ZC3H18: variants seen among roughly 807,000 people sequenced by gnomAD.
ZC3H18 encodes zinc finger CCCH-type containing 18, also known as zinc finger CCCH domain-containing protein 18.
In ZC3H18, 8 loss-of-function variants were observed where a neutral mutation model predicts 106.1. That is an observed-to-expected ratio of 0.08 (90% CI 0.04 to 0.14). The LOEUF is 0.14. Among genes scored for constraint, ZC3H18 ranks in the 10% least tolerant of loss-of-function variants. The pLI is 1.00. For missense variants in ZC3H18, 1,318 were observed against 1,278.4 expected (o/e 1.03, Z -0.47); for synonymous variants, 635 against 522.1 (o/e 1.22, Z -2.95).
intron 6 of ZC3H18, among the ~76,000 whole-genome samples, chr16:88,600,831 G>A (rs1032863556): frequency 6.6e-6 from 1 of 152,244 alleles, no homozygotes; most frequent in Non-Finnish European, 1.5e-5. Context: ...TCTGCCTGTG[G>A]ATGGCACGGT....
chr16:88,582,588 C>T (rs1384518226), intron 2 of ZC3H18, among the ~76,000 whole-genome samples: 8 of 152,132 alleles, frequency 5.3e-5, no homozygotes, highest in Admixed American at 5.2e-4. Context: ...GCCAAGTGCG[C>T]CCATTCTATT....
chr16:88,587,388 G>C (rs898358253), intron 3 of ZC3H18, among the ~76,000 whole-genome samples: 3 of 152,134 alleles, frequency 2.0e-5, no homozygotes, highest in Non-Finnish European at 4.4e-5. Flanking sequence ...CAGTAGTTTT[G>C]GCATATTTCT....
chr16:88,574,858 C>T (rs1366412029), intron 1 of ZC3H18, among the ~76,000 whole-genome samples: 9 of 141,348 alleles, frequency 6.4e-5, no homozygotes, highest in Non-Finnish European at 1.4e-4. Flanking sequence ...GAGACGGAGT[C>T]TCGCTCTGTC....
At chr16:88,624,958 G>GTGGC (rs1032338090) in intron 12 of ZC3H18, among the ~76,000 whole-genome samples, 11 of 152,210 alleles carry the variant, frequency 7.2e-5, no homozygotes, top group African/African-American at 2.7e-4. Flanking sequence ...AAGGGACAGC[G>GTGGC]TGGCACGGAG....
At chr16:88,578,617 C>T (rs1226197236) in intron 2 of ZC3H18, among the ~76,000 whole-genome samples, 1 of 151,940 alleles carries the variant, frequency 6.6e-6, no homozygotes, top group East Asian at 1.9e-4. Flanking sequence ...GAGAGTATCT[C>T]TCTGATGTCA....
Position 88,631,273 on chromosome 16 carries a change from C to A in ZC3H18, c.2836C>A (p.Arg946=). 6.3e-7 allele frequency: 1 copy of A among 1,598,076 alleles called. No homozygotes were observed. The highest frequency in any genetic ancestry group is 8.5e-7 in the Non-Finnish European group (1 of 1,172,772). Residue 946 remains arginine, a synonymous_variant, in exon 18 of 18, where the codon CGG becomes AGG. Transcript: ENST00000301011. ...CGTGGAGGATGCTATTGCACGCAAGCGGGCCAAGATCCCCGGGAAAGCATA... is the reference window on the plus strand; with the variant it reads ...CGTGGAGGATGCTATTGCACGCAAGAGGGCCAAGATCCCCGGGAAAGCATA... ...KAVEDAIARK[R]AKIPGKA
At chr16:88,597,426 C>G (rs964822124) in intron 3 of ZC3H18, among the ~76,000 whole-genome samples, 1 of 152,006 alleles carries the variant, frequency 6.6e-6, no homozygotes. Context: ...ATTTTTAAAC[C>G]GCTTAGATAC....
intron 3 of ZC3H18, chr16:88,587,722 A>C (rs1915518434): frequency 1.7e-6 from 2 of 1,145,206 alleles, no homozygotes; most frequent in Non-Finnish European, 2.5e-6. Flanking sequence ...CCAGAAGGAA[A>C]GGGGGTCTTT....
At position 88,627,820 on chromosome 16, in the gene ZC3H18, C is replaced by CG. The variant is rs1043179336; in HGVS notation, c.2269+43dup. 6.2e-7 allele frequency: 1 copy of CG among 1,609,748 alleles called. No homozygotes were observed. The highest frequency in any genetic ancestry group is 8.5e-7 in the Non-Finnish European group (1 of 1,177,120). On this transcript the variant is annotated intron_variant, in intron 14 of 17. Transcript: ENST00000301011. The surrounding 1 kb of genome is among the most constrained non-coding windows in gnomAD (Gnocchi z 4.5). ...CCTGGTACCTTTGGGGAGCAGCTCC[C>CG]GGGGGAGGAGGGCGGCATCAGCACA...
intron 6 of ZC3H18, among the ~76,000 whole-genome samples, chr16:88,600,757 G>A (rs760039170): frequency 6.6e-5 from 10 of 152,232 alleles, no homozygotes; most frequent in Non-Finnish European, 1.0e-4. Context: ...CAGAAGAAGT[G>A]CCTGGGTCGA....
At chr16:88,626,042 C>CA (rs1357966451) in intron 13 of ZC3H18, 20 of 152,046 alleles carry the variant, frequency 1.3e-4, no homozygotes, top group Admixed American at 1.3e-3. Context: ...AGGTTGGTCT[C>CA]AAACTCCTGA....
intron 8 of ZC3H18, among the ~76,000 whole-genome samples, chr16:88,614,450 C>G (rs1465560926): frequency 6.6e-6 from 1 of 152,248 alleles, no homozygotes; most frequent in African/African-American, 2.4e-5. Context: ...AGCTCTCAGG[C>G]AGGACTTCGC....
chr16:88,613,170 G>A (rs545254288), intron 8 of ZC3H18, among the ~76,000 whole-genome samples: 7 of 152,196 alleles, frequency 4.6e-5, no homozygotes, highest in African/African-American at 1.2e-4. Context: ...CTTCTACTCC[G>A]AGCGTTTTTA....
intron 2 of ZC3H18, among the ~76,000 whole-genome samples, chr16:88,584,347 G>A (rs897131994): frequency 6.6e-6 from 1 of 151,866 alleles, no homozygotes; most frequent in Non-Finnish European, 1.5e-5. Context: ...GCTTGAACCC[G>A]GGAGGCAGAG....
intron 8 of ZC3H18, among the ~76,000 whole-genome samples, chr16:88,619,309 A>T (rs1401964642): frequency 6.6e-6 from 1 of 152,208 alleles, no homozygotes; most frequent in East Asian, 1.9e-4. Flanking sequence ...GGTTATCTGC[A>T]TCCTGGTTAA....
At chr16:88,623,593 C>T in intron 10 of ZC3H18, 1 of 594,014 alleles carries the variant, frequency 1.7e-6, no homozygotes, top group South Asian at 2.1e-5. Flanking sequence ...TTGAGGCACT[C>T]CAGTCCTCCG....
intron 8 of ZC3H18, among the ~76,000 whole-genome samples, chr16:88,620,058 C>G (rs983258415): frequency 6.6e-6 from 1 of 152,162 alleles, no homozygotes; most frequent in African/African-American, 2.4e-5. Flanking sequence ...GTGTCCGTGT[C>G]CTTAGGACAG....
At chr16:88,621,556 C>G (rs1210486716) in intron 8 of ZC3H18, among the ~76,000 whole-genome samples, 3 of 152,000 alleles carry the variant, frequency 2.0e-5, no homozygotes, top group South Asian at 2.1e-4. Flanking sequence ...TGGAGTTTCA[C>G]CATGTTGGCC....
At chr16:88,606,141 G>C (rs1436735590) in intron 6 of ZC3H18, among the ~76,000 whole-genome samples, 1 of 152,218 alleles carries the variant, frequency 6.6e-6, no homozygotes, top group Admixed American at 6.5e-5. Context: ...TAACATTTTG[G>C]GTTCCCTAAA....
Sources: allele counts gnomAD v4.1 joint callset (sites outside exome capture counted in the v4.1 genomes callset), GRCh38; gene constraint gnomAD v4.1.1; non-coding constraint Gnocchi (gnomAD v3.1); transcripts MANE v1.5; gene names NCBI Gene and HGNC (gene_info 2026-07-23, HGNC 2026-07-21).